Variants in EIF2AK4 observed in about 807,000 individuals in gnomAD.
EIF2AK4 encodes the protein eIF-2-alpha kinase GCN2.
EIF2AK4 carries 139 observed loss-of-function variants against 211.1 expected under a neutral mutation model. The observed-to-expected ratio is 0.66, with a 90% CI of 0.57 to 0.76. EIF2AK4 has a LOEUF of 0.76. Ranked by LOEUF, EIF2AK4 falls within the 30% of genes least tolerant of loss-of-function variation. The pLI is 0.00. For missense variants in EIF2AK4, 1,664 were observed against 2,043.8 expected, an observed-to-expected ratio of 0.81 and a Z score of 3.58; for synonymous variants, 710 against 751.3, an observed-to-expected ratio of 0.94 and a Z score of 0.90.
In EIF2AK4 at chr15:39,961,618, C is replaced by T. The variant is rs547183; in HGVS notation, c.744-166C>T. 0.46 allele frequency among the ~76,000 whole-genome samples: 69,969 copies of T among 151,896 alleles called. 16,385 individuals carry two copies. The highest frequency in any genetic ancestry group is 0.55 in the East Asian group (2,815 of 5,158). ...CCCATTAGCACCGCCTACTCAATTC[C>T]CAGTAGAAACAGATGTTAGACTGCG... On this transcript the variant is annotated intron_variant, in intron 6 of 38. Coordinates refer to ENST00000263791, the MANE Select transcript of EIF2AK4 (RefSeq NM_001013703.4).
At chr15:39,948,553 A>T (rs2034261285) in intron 3 of EIF2AK4, among the ~76,000 whole-genome samples, 1 of 152,250 alleles carries the variant, frequency 6.6e-6, no homozygotes, top group Non-Finnish European at 1.5e-5. Context: ...CTCTAAGTGG[A>T]AATAAAATAC....
chr15:40,007,080 G>T lies in EIF2AK4; in HGVS notation c.3407+15G>T, dbSNP rs779370744. Reference sequence around the variant, plus strand: ...AATTTAAAACGGTAAGAAACAATAGGAGATTCCATTTGGTAGACATAGGAA... The same window carrying T: ...AATTTAAAACGGTAAGAAACAATAGTAGATTCCATTTGGTAGACATAGGAA... On this transcript the variant is annotated intron_variant, in intron 24 of 38. Transcript: ENST00000263791. The T allele has an allele frequency of 6.4e-7, 1 of 1,574,516 alleles. No homozygotes were observed. Among genetic ancestry groups the T allele is most frequent in the East Asian group, 2.2e-5 (1 of 44,554 alleles).
intron 3 of EIF2AK4, chr15:39,946,901 A>T: frequency 2.0e-6 from 1 of 500,480 alleles, no homozygotes; most frequent in Non-Finnish European, 3.6e-6. Flanking sequence ...AGGTATATAC[A>T]TTGATTTCTA....
rs1360557023 is a variant in EIF2AK4 at position 40,016,541 on chromosome 15, T to G, written c.3799T>G (p.Leu1267Val). 6.2e-7 allele frequency: 1 copy of G among 1,614,072 alleles called. No homozygotes were observed. Among genetic ancestry groups the G allele is most frequent in the Non-Finnish European group, 8.5e-7 (1 of 1,180,024 alleles). ...LYKFIEQKGD[L>V]QDLMPTINSL... ...CAAGTTTATTGAACAGAAGGGAGATTTGCAAGATCTTATGCCAACAATAAA... is the reference window on the plus strand; with the variant it reads ...CAAGTTTATTGAACAGAAGGGAGATGTGCAAGATCTTATGCCAACAATAAA... Residue 1267 changes from leucine (L) to valine (V), a missense_variant, in exon 28 of 39, where the codon TTG becomes GTG. Around this residue, in one of 7 missense-constraint regions of EIF2AK4, gnomAD observed 622 missense variants for 796.8 expected, o/e 0.78. Coordinates refer to ENST00000263791, the MANE Select transcript of EIF2AK4 (RefSeq NM_001013703.4).
chr15:40,006,502 C>A (rs983147216), intron 23 of EIF2AK4, among the ~76,000 whole-genome samples: 1 of 152,038 alleles, frequency 6.6e-6, no homozygotes, highest in Non-Finnish European at 1.5e-5. Context: ...GGTAATGATA[C>A]CATGTTGGAT....
intron 1 of EIF2AK4, among the ~76,000 whole-genome samples, chr15:39,936,481 C>T (rs963756875): frequency 6.6e-6 from 1 of 152,240 alleles, no homozygotes; most frequent in Non-Finnish European, 1.5e-5. Context: ...GGAGCAATCT[C>T]GGCTCACTGC....
intron 6 of EIF2AK4, among the ~76,000 whole-genome samples, chr15:39,960,020 T>C (rs1432023278): frequency 1.3e-5 from 2 of 151,840 alleles, no homozygotes; most frequent in African/African-American, 2.4e-5. Flanking sequence ...AAAAATTAGC[T>C]AGGCATGGTG....
In EIF2AK4 at chr15:39,949,097, T is replaced by C. The variant is rs375036274; in HGVS notation, c.361-19T>C. 6.2e-6 allele frequency: 10 copies of C among 1,604,642 alleles called. No homozygotes were observed. Among genetic ancestry groups the C allele is most frequent in the African/African-American group, 4.0e-5 (3 of 74,744 alleles). The stretch of plus-strand genomic sequence containing the variant: ...CCATTATTTGATCATTTGTGGTTGA[T>C]TTTTGTTTACATGTTTAGGTGATGA... On this transcript the variant is annotated intron_variant, in intron 3 of 38. Coordinates refer to ENST00000263791, the MANE Select transcript of EIF2AK4 (RefSeq NM_001013703.4).
intron 30 of EIF2AK4, 132 bp from the exon 31 acceptor site, chr15:40,020,767 A>C: frequency 1.5e-6 from 1 of 680,938 alleles, no homozygotes; most frequent in Non-Finnish European, 2.2e-6. Flanking sequence ...AGTCTTTGGC[A>C]CGCTGTGTTT....
chr15:39,980,326 A>T (rs2034763848), intron 13 of EIF2AK4, among the ~76,000 whole-genome samples: 1 of 152,200 alleles, frequency 6.6e-6, no homozygotes. Context: ...TCAAGCTGAA[A>T]ATCTATAATT....
chr15:39,953,331 A>G (rs989822736), intron 4 of EIF2AK4, among the ~76,000 whole-genome samples: 37 of 152,184 alleles, frequency 2.4e-4, no homozygotes, highest in African/African-American at 8.4e-4. Flanking sequence ...AGTTTTGATA[A>G]TTATAATCTG....
chr15:39,977,005 C>G (rs2034707889), intron 12 of EIF2AK4, 161 bp downstream of exon 12: 1 of 900,562 alleles, frequency 1.1e-6, no homozygotes, highest in Non-Finnish European at 1.5e-6. Context: ...GGCTGGAGGT[C>G]AGTGGCGCGT....
At chr15:40,017,365 AAT>A (rs1350400572) in intron 29 of EIF2AK4, 123 bp downstream of exon 29, 1 of 1,104,198 alleles carries the variant, frequency 9.1e-7, no homozygotes, top group Non-Finnish European at 1.3e-6. Flanking sequence ...TACTTCTATT[AAT>A]ATATGTTTCA....
intron 37 of EIF2AK4, 142 bp from the exon 38 acceptor site, chr15:40,034,184 C>G (rs775647506): frequency 3.7e-5 from 24 of 645,174 alleles, no homozygotes; most frequent in Non-Finnish European, 6.0e-5. Flanking sequence ...AGTCTCCTAA[C>G]TGGTTCTGCT....
At chr15:39,953,692 G>A (rs1566984020) in intron 4 of EIF2AK4, among the ~76,000 whole-genome samples, 1 of 152,286 alleles carries the variant, frequency 6.6e-6, no homozygotes, top group East Asian at 1.9e-4. Context: ...CCCCACACAC[G>A]CTCAAACCTG....
rs2034954904 is a variant in EIF2AK4, at chr15:39,992,311, A to G, written c.2686+82A>G. 10 of 1,274,032 alleles carry G rather than the reference A, an allele frequency of 7.8e-6. No homozygotes were observed. The East Asian group carries it at 2.4e-4, about 31-fold the overall frequency. 78.9% of individuals were successfully genotyped at this position (1,274,032 alleles called of 1,614,324 possible). ...ACCTGAAACCTGTTTTTTACTTGTA[A>G]AGGTTTTATTCTACGGCAGATTTTA... On this transcript the variant is annotated intron_variant, in intron 17 of 38. Coordinates refer to ENST00000263791, the MANE Select transcript of EIF2AK4 (RefSeq NM_001013703.4).
At position 39,967,674 on chromosome 15, in the gene EIF2AK4, C is replaced by T; in HGVS notation, c.1348C>T (p.Leu450Phe). The T allele has an allele frequency of 6.2e-7, 1 of 1,614,174 alleles. No individual in the cohort carries two copies. Among genetic ancestry groups the T allele is most frequent in the Non-Finnish European group, 8.5e-7 (1 of 1,180,036 alleles). Residue 450 changes from leucine (L) to phenylalanine (F), a missense_variant, in exon 9 of 39, where the codon CTC becomes TTC. By Grantham distance (22) the Leu-to-Phe change is conservative. Coordinates refer to ENST00000263791, the MANE Select transcript of EIF2AK4 (RefSeq NM_001013703.4). ...KITDYSISKR[L>F]ADICKEDVFE... ...TACGGACTATAGCATTTCTAAGCGC[C>T]TCGCAGACATTTGCAAGGAGGATGT...
intron 4 of EIF2AK4, among the ~76,000 whole-genome samples, chr15:39,952,606 G>C (rs2034334944): frequency 6.6e-6 from 1 of 151,784 alleles, no homozygotes; most frequent in Non-Finnish European, 1.5e-5. Context: ...ATTTTTTGTT[G>C]AGGCTTTCTA....
At chr15:39,956,312 C>CT (rs1277235663) in intron 6 of EIF2AK4, among the ~76,000 whole-genome samples, 2 of 152,170 alleles carry the variant, frequency 1.3e-5, no homozygotes, top group East Asian at 3.9e-4. Flanking sequence ...CCTCATTCCC[C>CT]TTTATAACAG....
Sources: gnomAD v4.1 joint callset for allele counts (sites outside exome capture counted in the v4.1 genomes callset) on GRCh38, gnomAD v4.1.1 for gene constraint, gnomAD v4.1.1 regional missense constraint, MANE v1.5 for transcripts, NCBI Gene and HGNC (gene_info 2026-07-23, HGNC 2026-07-21) for gene names.